Variants in PCDHA8 observed in about 807,000 individuals in gnomAD.
The protein encoded by PCDHA8 is protocadherin alpha 8.
Under a neutral mutation model 61.8 loss-of-function variants are expected in PCDHA8, and 53 were observed. The observed-to-expected ratio is 0.86, with a 90% CI of 0.69 to 1.08. PCDHA8 has a LOEUF of 1.08. Among genes scored for constraint, PCDHA8 ranks in the 50% least tolerant of loss-of-function variants. The pLI is 0.00. For missense variants in PCDHA8, 1,293 were observed against 1,245.0 expected, an observed-to-expected ratio of 1.04 and a Z score of -0.58; for synonymous variants, 618 against 556.6, an observed-to-expected ratio of 1.11 and a Z score of -1.55.
At chr5:140,949,231 C>G (rs971361200) in intron 1 of PCDHA8, among the ~76,000 whole-genome samples, 11 of 151,628 alleles carry the variant, frequency 7.3e-5, no homozygotes, top group African/African-American at 2.4e-4. Flanking sequence ...TGTTCTGTGG[C>G]CCAGCAACAG....
intron 1 of PCDHA8, among the ~76,000 whole-genome samples, chr5:140,958,321 AAAAT>A: frequency 1.3e-5 from 2 of 152,256 alleles, no homozygotes; most frequent in Middle Eastern, 6.8e-3. Context: ...TAGAGCTCAA[AAAAT>A]AAATAAATCA....
At chr5:140,938,947 A>AT (rs1554212493) in intron 1 of PCDHA8, among the ~76,000 whole-genome samples, 1 of 152,094 alleles carries the variant, frequency 6.6e-6, no homozygotes, top group Non-Finnish European at 1.5e-5. Flanking sequence ...CATTCTTATA[A>AT]TGCTCTAGTC....
At chr5:140,891,624 T>C (rs1489586112) in intron 1 of PCDHA8, among the ~76,000 whole-genome samples, 1 of 152,188 alleles carries the variant, frequency 6.6e-6, no homozygotes, top group African/African-American at 2.4e-5. Context: ...TTTTAACACC[T>C]TTTGCTCTTT....
At chr5:140,959,871 T>C (rs572861997) in intron 1 of PCDHA8, among the ~76,000 whole-genome samples, 1 of 152,322 alleles carries the variant, frequency 6.6e-6, no homozygotes, top group Admixed American at 6.5e-5. Flanking sequence ...GCAAAATCTG[T>C]CAAGGAATAC....
At chr5:140,964,959 T>C (rs1330728069) in intron 1 of PCDHA8, among the ~76,000 whole-genome samples, 2 of 152,168 alleles carry the variant, frequency 1.3e-5, no homozygotes, top group African/African-American at 4.8e-5. Context: ...GCTTGGTTGG[T>C]GGAACGAAGG....
intron 1 of PCDHA8, chr5:140,966,695 C>G: frequency 7.4e-7 from 1 of 1,358,486 alleles, no homozygotes; most frequent in Non-Finnish European, 9.5e-7. Flanking sequence ...AGGCGGGGCC[C>G]GGGCGTGGGG....
intron 1 of PCDHA8, chr5:140,883,514 G>A: frequency 6.2e-7 from 1 of 1,614,220 alleles, no homozygotes; most frequent in Non-Finnish European, 8.5e-7. Context: ...CCTGGACCGC[G>A]AGAGCGTATC....
At chr5:140,845,023 G>A (rs1554140814) in intron 1 of PCDHA8, among the ~76,000 whole-genome samples, 2 of 149,032 alleles carry the variant, frequency 1.3e-5, no homozygotes, top group African/African-American at 2.5e-5. Flanking sequence ...AATCATTTAT[G>A]GGCATATTTT....
chr5:140,993,203 A>T (rs1563587510), intron 3 of PCDHA8, among the ~76,000 whole-genome samples: 2 of 152,090 alleles, frequency 1.3e-5, no homozygotes, highest in African/African-American at 4.8e-5. Context: ...ACTAAAGCTA[A>T]TTTTTTTAGC....
intron 1 of PCDHA8, among the ~76,000 whole-genome samples, chr5:140,947,178 C>T (rs1356075084): frequency 6.6e-6 from 1 of 151,188 alleles, no homozygotes. Context: ...GGTATATATT[C>T]ATGGTATACT....
chr5:140,955,956 G>C (rs2095241724), intron 1 of PCDHA8, among the ~76,000 whole-genome samples: 1 of 152,050 alleles, frequency 6.6e-6, no homozygotes, highest in Admixed American at 6.6e-5. Flanking sequence ...CTTGCTTGTT[G>C]TTTGTGCATA....
intron 1 of PCDHA8, among the ~76,000 whole-genome samples, chr5:140,944,016 A>G (rs2093596830): frequency 6.6e-6 from 1 of 152,182 alleles, no homozygotes; most frequent in Non-Finnish European, 1.5e-5. Flanking sequence ...CCCAAAAGCA[A>G]TTATCTTCAA....
intron 1 of PCDHA8, among the ~76,000 whole-genome samples, chr5:140,937,306 G>A (rs994842470): frequency 4.3e-4 from 66 of 152,048 alleles, no homozygotes; most frequent in African/African-American, 1.6e-3. Flanking sequence ...CAAAGTGCTG[G>A]GATTACAGGC....
intron 1 of PCDHA8, chr5:140,927,527 C>A (rs1554204693): frequency 6.2e-7 from 1 of 1,614,084 alleles, no homozygotes. Flanking sequence ...GGGCTACCTG[C>A]CCGCTCAGGA....
intron 1 of PCDHA8, 78 bp from the exon 2 acceptor site, chr5:140,978,871 T>A (rs1328301924): frequency 6.2e-7 from 1 of 1,606,392 alleles, no homozygotes; most frequent in Non-Finnish European, 8.5e-7. Context: ...TTTAAGGGAG[T>A]AACTAATCAA....
rs2150358583 is a variant in PCDHA8, at chr5:140,843,373, T to C, written c.2052T>C (p.Ala684=). 5 of 1,596,150 alleles carry C rather than the reference T, an allele frequency of 3.1e-6. No homozygotes were observed. Among genetic ancestry groups the C allele is most frequent in the Non-Finnish European group, 2.6e-6 (3 of 1,165,630 alleles). ...CAAAAGCGTCATCGAGGCAGTCGGC[T>C]GGCGTTTTGGGTCCGGAAGCGGCGC... ...QAPKASSRQS[A]GVLGPEAALV... is the part of the protein sequence containing the mutation. The change falls in exon 1 of 4, where the codon GCT becomes GCC. Residue 684 remains alanine (A), a synonymous_variant. Transcript: ENST00000531613.
rs2150349965 is a variant in PCDHA8, at chr5:140,843,007, G to T, written c.1686G>T (p.Ala562=). 6.3e-7 allele frequency: 1 copy of T among 1,594,864 alleles called. No homozygotes were observed. Among genetic ancestry groups the T allele is most frequent in the African/African-American group, 1.3e-5 (1 of 74,428 alleles). ...QVFVLDENDN[A]PALLEPRVGG... ...TCGTGCTGGACGAGAATGACAACGC[G>T]CCGGCACTGCTGGAGCCTCGGGTGG... Residue 562 remains alanine (A), a synonymous_variant, in exon 1 of 4, where the codon GCG becomes GCT. Transcript: ENST00000531613.
intron 1 of PCDHA8, among the ~76,000 whole-genome samples, chr5:140,965,939 C>A (rs1554227944): frequency 6.6e-6 from 1 of 152,188 alleles, no homozygotes; most frequent in Admixed American, 6.5e-5. Flanking sequence ...GGAAAGAGGG[C>A]AGCATTTGCC....
intron 1 of PCDHA8, among the ~76,000 whole-genome samples, chr5:140,965,996 A>G (rs2095956267): frequency 6.6e-6 from 1 of 152,102 alleles, no homozygotes; most frequent in South Asian, 2.1e-4. Context: ...TGCAGTACTT[A>G]AGAGTGTCCA....
Sources: allele counts gnomAD v4.1 joint callset (sites outside exome capture counted in the v4.1 genomes callset), GRCh38; gene constraint gnomAD v4.1.1; transcripts MANE v1.5; gene names NCBI Gene and HGNC (gene_info 2026-07-23, HGNC 2026-07-21).